Variants in HHAT observed in about 807,000 individuals in gnomAD.
The protein encoded by HHAT is hedgehog acyltransferase, also known as protein-cysteine N-palmitoyltransferase HHAT.
Under a neutral mutation model 70.8 loss-of-function variants are expected in HHAT, and 47 were observed. That is an observed-to-expected ratio of 0.66 (90% CI 0.53 to 0.85). HHAT has a LOEUF of 0.85. Ranked by LOEUF, HHAT falls within the 40% of genes least tolerant of loss-of-function variation. The pLI is 0.00. For synonymous variants in HHAT, 228 were observed against 247.6 expected, an observed-to-expected ratio of 0.92 and a Z score of 0.74; for missense variants, 609 against 604.8, an observed-to-expected ratio of 1.01 and a Z score of -0.07.
intron 8 of HHAT, among the ~76,000 whole-genome samples, chr1:210,484,199 TGGA>T (rs1482139518): frequency 6.6e-6 from 1 of 152,216 alleles, no homozygotes; most frequent in Non-Finnish European, 1.5e-5. Context: ...GACATGTAGG[TGGA>T]GTTCTAGGAT....
chr1:210,597,978 C>T (rs771210196), intron 10 of HHAT, among the ~76,000 whole-genome samples: 1 of 151,872 alleles, frequency 6.6e-6, no homozygotes, highest in Non-Finnish European at 1.5e-5. Flanking sequence ...CAAAAGCCCA[C>T]AGCAAGCACT....
At chr1:210,521,378 G>C (rs192835733) in intron 9 of HHAT, among the ~76,000 whole-genome samples, 3 of 152,298 alleles carry the variant, frequency 2.0e-5, no homozygotes, top group South Asian at 4.1e-4. Context: ...ATTCTGAAAT[G>C]ATTATAAATG....
At chr1:210,406,388 C>T (rs1290545083) in intron 6 of HHAT, among the ~76,000 whole-genome samples, 1 of 142,170 alleles carries the variant, frequency 7.0e-6, no homozygotes, top group African/African-American at 2.8e-5. Context: ...TATTTCTCAT[C>T]TCCTTTTTCT....
rs140196872 is a variant in HHAT at position 210,335,164 on chromosome 1, A to G, written c.-44+6060A>G. Among the ~76,000 whole-genome samples the G allele has an allele frequency of 6.8e-4, 104 of 152,310 alleles. 1 individual carries two copies. In the East Asian group the frequency reaches 0.017, roughly 25 times the overall value. On this transcript the variant is annotated intron_variant, in intron 1 of 11. Transcript: ENST00000261458. The stretch of plus-strand genomic sequence containing the variant: ...TAAATATGGTAAGTCAAATCTAGCA[A>G]TCTATAAAAAGGATAATAAATCATG...
intron 10 of HHAT, among the ~76,000 whole-genome samples, chr1:210,591,148 T>C (rs546829214): frequency 6.6e-6 from 1 of 152,266 alleles, no homozygotes; most frequent in South Asian, 2.1e-4. Context: ...TGCTACCAAA[T>C]ACTACATCTT....
intron 8 of HHAT, among the ~76,000 whole-genome samples, chr1:210,473,446 T>C (rs1039394553): frequency 1.8e-4 from 28 of 152,084 alleles, no homozygotes; most frequent in East Asian, 7.7e-4. Context: ...ATTCAGTTGA[T>C]TGGGGGGCTC....
At chr1:210,420,785 C>T (rs942347119) in intron 7 of HHAT, among the ~76,000 whole-genome samples, 10 of 151,824 alleles carry the variant, frequency 6.6e-5, no homozygotes, top group Non-Finnish European at 1.2e-4. Flanking sequence ...CTTGAACCAC[C>T]TGCAATGAAT....
chr1:210,577,472 G>A (rs1389157381), intron 9 of HHAT, among the ~76,000 whole-genome samples: 2 of 152,002 alleles, frequency 1.3e-5, no homozygotes, highest in African/African-American at 2.4e-5. Flanking sequence ...TTAATGTGAT[G>A]TATCATGCTA....
rs147389702 is a variant in HHAT, at chr1:210,563,422, G to A, written c.1044-24476G>A. Among the ~76,000 whole-genome samples, 351 of 152,298 alleles carry A rather than the reference G, an allele frequency of 2.3e-3. 1 individual carries two copies. The highest frequency in any genetic ancestry group is 8.2e-3 in the African/African-American group (341 of 41,556). On this transcript the variant is annotated intron_variant, in intron 9 of 11. Transcript: ENST00000261458. ...GAAGGAGCCTAAAGGTGAAATCAGAGTAGAGTGGGGTGGAAGGCAGTTTAT... is the reference window on the plus strand; with the variant it reads ...GAAGGAGCCTAAAGGTGAAATCAGAATAGAGTGGGGTGGAAGGCAGTTTAT...
intron 7 of HHAT, among the ~76,000 whole-genome samples, chr1:210,428,333 T>C (rs1239556712): frequency 6.3e-5 from 5 of 78,902 alleles, no homozygotes; most frequent in African/African-American, 1.7e-4. Context: ...TATATATATA[T>C]ATATATATAT....
chr1:210,567,384 T>G (rs1345248087), intron 9 of HHAT, among the ~76,000 whole-genome samples: 1 of 152,222 alleles, frequency 6.6e-6, no homozygotes, highest in Non-Finnish European at 1.5e-5. Flanking sequence ...AGCTTTATTT[T>G]CCTCATCTGG....
At chr1:210,657,994 G>C (rs547949221) in intron 11 of HHAT, among the ~76,000 whole-genome samples, 1 of 152,182 alleles carries the variant, frequency 6.6e-6, no homozygotes, top group Admixed American at 6.5e-5. Context: ...CTGAAGCATG[G>C]ATCTGGCAGT....
chr1:210,523,625 C>G (rs936558281), intron 9 of HHAT, among the ~76,000 whole-genome samples: 1 of 152,148 alleles, frequency 6.6e-6, no homozygotes, highest in African/African-American at 2.4e-5. Flanking sequence ...CGCGCGCACA[C>G]GTGCGCATGT....
intron 9 of HHAT, among the ~76,000 whole-genome samples, chr1:210,579,183 G>T (rs1393298410): frequency 1.3e-5 from 2 of 152,034 alleles, no homozygotes; most frequent in Non-Finnish European, 2.9e-5. Flanking sequence ...AATAACTAAT[G>T]GATACTAGGC....
intron 4 of HHAT, among the ~76,000 whole-genome samples, chr1:210,392,706 G>A (rs1402771004): frequency 6.6e-6 from 1 of 152,134 alleles, no homozygotes; most frequent in Non-Finnish European, 1.5e-5. Context: ...AAAGTGCTGG[G>A]ATAACAGGCG....
intron 1 of HHAT, among the ~76,000 whole-genome samples, chr1:210,330,225 C>G (rs932387707): frequency 1.3e-5 from 2 of 152,170 alleles, no homozygotes; most frequent in African/African-American, 4.8e-5. Flanking sequence ...TTTTCTCCCT[C>G]CTTTCTCGTT....
At position 210,633,200 on chromosome 1, in the gene HHAT, ACT is replaced by A. The variant is rs377403007; in HGVS notation, c.1390+9533_1390+9534del. ...GAGGTACTGAGATGGGCTGCCAGTG[ACT>A]CTTCCTCACTGTAAGAAACAGTTCA... On this transcript the variant is annotated intron_variant, in intron 11 of 11. Coordinates refer to ENST00000261458, the MANE Select transcript of HHAT (RefSeq NM_018194.6). 1.8e-3 allele frequency among the ~76,000 whole-genome samples: 271 copies of A among 152,164 alleles called. 1 individual carries two copies. Among genetic ancestry groups the A allele is most frequent in the African/African-American group, 6.2e-3 (258 of 41,492 alleles).
intron 4 of HHAT, among the ~76,000 whole-genome samples, chr1:210,395,595 G>A (rs2091738866): frequency 6.6e-6 from 1 of 152,200 alleles, no homozygotes; most frequent in Non-Finnish European, 1.5e-5. Flanking sequence ...CAGAAGTGGA[G>A]TTGTTAAGAG....
At chr1:210,524,835 G>A (rs2095221661) in intron 9 of HHAT, among the ~76,000 whole-genome samples, 1 of 152,058 alleles carries the variant, frequency 6.6e-6, no homozygotes, top group Non-Finnish European at 1.5e-5. Flanking sequence ...AAGCTTCTCT[G>A]TGTTGAGCAA....
Sources: gnomAD v4.1 joint callset for allele counts (sites outside exome capture counted in the v4.1 genomes callset) on GRCh38, gnomAD v4.1.1 for gene constraint, MANE v1.5 for transcripts, NCBI Gene and HGNC (gene_info 2026-07-23, HGNC 2026-07-21) for gene names.